The following POU2F2 variants were observed in gnomAD, a reference collection of about 807,000 sequenced individuals.
POU2F2 encodes the protein POU class 2 homeobox 2.
In POU2F2, 14 loss-of-function variants were observed where a neutral mutation model predicts 63.5. That is an observed-to-expected ratio of 0.22 (90% confidence interval 0.15 to 0.34). The LOEUF is 0.34. POU2F2 is among the 10% of genes least tolerant of loss of function. POU2F2 has a pLI of 1.00. For missense variants in POU2F2, 607 were observed against 815.2 expected (o/e 0.74, Z 3.11); for synonymous variants, 306 against 348.6 (o/e 0.88, Z 1.36).
chr19:42,108,667 C>A (rs1306913273), intron 5 of POU2F2, among the ~76,000 whole-genome samples: 1 of 152,102 alleles, frequency 6.6e-6, no homozygotes, highest in African/African-American at 2.4e-5. Flanking sequence ...TAGGGTAAGC[C>A]GGTAGGAGGC....
chr19:42,184,281 C>T (rs1290721142), intron 1 of POU2F2, among the ~76,000 whole-genome samples: 1 of 152,142 alleles, frequency 6.6e-6, no homozygotes, highest in Non-Finnish European at 1.5e-5. Context: ...CATGAGCCAC[C>T]GCTCTGGGCC....
intron 1 of POU2F2, among the ~76,000 whole-genome samples, chr19:42,126,776 A>G (rs2033237889): frequency 6.6e-6 from 1 of 152,042 alleles, no homozygotes; most frequent in South Asian, 2.1e-4. Context: ...GACCAATGCG[A>G]CAGGCCTGGT....
intron 2 of POU2F2, among the ~76,000 whole-genome samples, chr19:42,139,086 G>T (rs750240998): frequency 6.6e-6 from 1 of 152,122 alleles, no homozygotes; most frequent in Non-Finnish European, 1.5e-5. Context: ...CAAGGTCGAC[G>T]AGGGCGGATC....
chr19:42,181,926 A>T (rs1054974887), intron 1 of POU2F2, among the ~76,000 whole-genome samples: 25 of 152,148 alleles, frequency 1.6e-4, no homozygotes, highest in African/African-American at 5.3e-4. Flanking sequence ...TCATTAATGA[A>T]ACATTTGTTC....
chr19:42,092,123 C>A lies in POU2F2; in HGVS notation c.1412G>T (p.Ser471Ile). Residue 471 changes from serine (S) to isoleucine (I), a missense_variant, in exon 13 of 15, where the codon AGC (serine) becomes ATC (isoleucine). By Grantham distance (142) the Ser-to-Ile change is moderately radical. Around this residue, in one of 7 missense-constraint regions of POU2F2, gnomAD observed 270 missense variants for 307.5 expected, o/e 0.88. Coordinates refer to ENST00000692977, the MANE Select transcript of POU2F2 (RefSeq NM_001394376.1). This position sits in a 1 kb window ranked among gnomAD's most constrained non-coding sequence, Gnocchi z 5.0. ...GATAGCCGAGTGGCTGCCTTGAGGG[C>A]TGGGGTTTGTGCTGTTGGTGGTGGC... Reference protein sequence around the residue: ...PPATTNSTNPSPQGSHSAIGL... With the variant: ...PPATTNSTNPIPQGSHSAIGL... The A allele has an allele frequency of 1.3e-6, 2 of 1,520,368 alleles. No individual in the cohort carries two copies. 94.2% of individuals were successfully genotyped at this position (1,520,368 alleles called of 1,614,324 possible). A position where few individuals can be genotyped will look rare whatever the true frequency, so the allele number is the denominator to read the frequency against.
At chr19:42,188,974 T>C (rs1389607277) in intron 1 of POU2F2, among the ~76,000 whole-genome samples, 1 of 137,722 alleles carries the variant, frequency 7.3e-6, no homozygotes, top group East Asian at 2.2e-4. Flanking sequence ...TGATTTAATA[T>C]ACAGAAGCCA....
intron 1 of POU2F2, among the ~76,000 whole-genome samples, chr19:42,195,095 A>AAGGGAGGG (rs1568430895): frequency 4.0e-5 from 1 of 24,706 alleles, no homozygotes; most frequent in African/African-American, 1.3e-4. Context: ...GGAAGGGAGG[A>AAGGGAGGG]AGGAAGGGAG....
chr19:42,109,393 C>T (rs2030700018), intron 5 of POU2F2, among the ~76,000 whole-genome samples: 1 of 152,104 alleles, frequency 6.6e-6, no homozygotes, highest in Admixed American at 6.5e-5. Context: ...TCTGGATCTT[C>T]CCTCTCTAAG....
intron 1 of POU2F2, among the ~76,000 whole-genome samples, chr19:42,174,008 A>G (rs190905150): frequency 6.6e-6 from 1 of 152,132 alleles, no homozygotes; most frequent in Non-Finnish European, 1.5e-5. Flanking sequence ...GGTCCAGGGA[A>G]GCTTTTCATG....
chr19:42,146,688 G>A (rs545935022), intron 2 of POU2F2, among the ~76,000 whole-genome samples: 140 of 152,280 alleles, frequency 9.2e-4, no homozygotes, highest in African/African-American at 3.2e-3. Flanking sequence ...GCAAGATCCC[G>A]GTCTGGCAAG....
rs1337798694 is a variant in POU2F2, at chr19:42,169,629, A to G, written c.-70+6334T>C. On this transcript the variant is annotated intron_variant, in intron 1 of 6. Transcript: ENST00000524801. This position sits in a 1 kb window ranked among gnomAD's most constrained non-coding sequence, Gnocchi z 4.3. The stretch of plus-strand genomic sequence containing the variant: ...CTACCATGTGTTTCAGAATCTGTGT[A>G]TGTCTCTTGCAGGATCATTGCATGT... 6.6e-6 allele frequency among the ~76,000 whole-genome samples: 1 copy of G among 152,108 alleles called. No individual in the cohort carries two copies. Among genetic ancestry groups the G allele is most frequent in the African/African-American group, 2.4e-5 (1 of 41,402 alleles).
chr19:42,162,114 G>A lies in POU2F2; in HGVS notation c.-69-1722C>T, dbSNP rs1035248023. Among the ~76,000 whole-genome samples, 55 of 152,148 alleles carry A rather than the reference G, an allele frequency of 3.6e-4. No homozygotes were observed. The highest frequency in any genetic ancestry group is 1.2e-4 in the Non-Finnish European group (8 of 68,016). On this transcript the variant is annotated intron_variant, in intron 1 of 6. Coordinates refer to the POU2F2 transcript ENST00000524801. The surrounding 1 kb of genome is among the most constrained non-coding windows in gnomAD (Gnocchi z 4.1). ...CTCGGGGGGGCCAGAGTCAGACAGC[G>A]CCTTAGGGCTGGGGTCTTCCCCCAG...
At chr19:42,103,796 C>G (rs2077233606) in intron 5 of POU2F2, among the ~76,000 whole-genome samples, 1 of 151,976 alleles carries the variant, frequency 6.6e-6, no homozygotes, top group South Asian at 2.1e-4. Flanking sequence ...CCACGCCTGG[C>G]TAATTTTTTT....
chr19:42,095,177 C>T lies in POU2F2; in HGVS notation c.1197+109G>A, dbSNP rs1399309807. The T allele has an allele frequency of 7.5e-6, 10 of 1,329,614 alleles. No homozygotes were observed. The highest frequency in any genetic ancestry group is 2.7e-4 in the Middle Eastern group (1 of 3,770). The allele number at this position is 1,329,614 out of a possible 1,614,324, so 82.4% of individuals were successfully genotyped here. ...CGTGATGGCCTGTCTCCAAGAGTGA[C>T]TCTTCTTGTCTCTGTTCTAGGCTCT... is the stretch of plus-strand genomic sequence containing the variant. On this transcript the variant is annotated intron_variant, in intron 11 of 14. Coordinates refer to ENST00000692977, the MANE Select transcript of POU2F2 (RefSeq NM_001394376.1). The surrounding 1 kb of genome is among the most constrained non-coding windows in gnomAD (Gnocchi z 7.1).
chr19:42,183,474 T>C (rs1311459719), intron 1 of POU2F2, among the ~76,000 whole-genome samples: 1 of 152,178 alleles, frequency 6.6e-6, no homozygotes, highest in Non-Finnish European at 1.5e-5. Flanking sequence ...AGGGAACTTT[T>C]TAGGGTAATG....
intron 2 of POU2F2, among the ~76,000 whole-genome samples, chr19:42,154,114 C>G (rs905089774): frequency 6.6e-6 from 1 of 151,756 alleles, no homozygotes; most frequent in African/African-American, 2.4e-5. Context: ...GCCCTCCCCC[C>G]ACCACAAGTC....
At chr19:42,181,570 A>ATATT (rs1568426839) in intron 1 of POU2F2, among the ~76,000 whole-genome samples, 16 of 88,684 alleles carry the variant, frequency 1.8e-4, no homozygotes, top group Non-Finnish European at 3.0e-4. Flanking sequence ...GTCTGAACAT[A>ATATT]CATTTATTTA....
intron 1 of POU2F2, among the ~76,000 whole-genome samples, chr19:42,174,043 G>A (rs2034823200): frequency 6.6e-6 from 1 of 152,180 alleles, no homozygotes; most frequent in East Asian, 1.9e-4. Flanking sequence ...GGGGAGAGGG[G>A]ATCTTTTCTT....
At chr19:42,132,464 T>G (rs1211797084), upstream of POU2F2, 4 of 1,408,526 alleles carry the variant, frequency 2.8e-6, no homozygotes, top group African/African-American at 6.0e-5. Context: ...CCCCACCCTC[T>G]CTGGGGGCCG....
Sources: gnomAD v4.1 joint callset for allele counts (sites outside exome capture counted in the v4.1 genomes callset) on GRCh38, gnomAD v4.1.1 for gene constraint, gnomAD v4.1.1 regional missense constraint, Gnocchi (gnomAD v3.1) non-coding constraint, MANE v1.5 for transcripts, NCBI Gene and HGNC (gene_info 2026-07-23, HGNC 2026-07-21) for gene names.